Variants in ATRNL1 observed in about 807,000 individuals in gnomAD.
The protein encoded by ATRNL1 is attractin-like protein 1.
Under a neutral mutation model 182.7 loss-of-function variants are expected in ATRNL1, and 95 were observed. The ratio of observed to expected loss-of-function variants is 0.52; its 90% CI spans 0.44 to 0.62. The LOEUF (loss-of-function observed/expected upper bound fraction) is 0.62. Among genes scored for constraint, ATRNL1 ranks in the 20% least tolerant of loss-of-function variants. The pLI, the probability that ATRNL1 is intolerant of heterozygous loss-of-function variation, is 0.00. For missense variants in ATRNL1, 1,471 were observed against 1,679.5 expected (o/e 0.88, Z 2.17); for synonymous variants, 576 against 568.3 (o/e 1.01, Z -0.19).
intron 5 of ATRNL1, 43 bp from the exon 6 acceptor site, chr10:115,159,997 G>T: frequency 1.4e-6 from 2 of 1,405,544 alleles, no homozygotes; most frequent in Non-Finnish European, 9.6e-7. Context: ...TAATCTGAGG[G>T]CTTTGTTTAA....
At chr10:115,336,617 T>C in intron 19 of ATRNL1, among the ~76,000 whole-genome samples, 1 of 152,338 alleles carries the variant, frequency 6.6e-6, no homozygotes, top group Middle Eastern at 3.4e-3. Flanking sequence ...TAATATAAAA[T>C]TGTGGTATGT....
intron 28 of ATRNL1, among the ~76,000 whole-genome samples, chr10:115,932,407 G>A (rs1953426941): frequency 6.6e-6 from 1 of 152,148 alleles, no homozygotes; most frequent in Admixed American, 6.5e-5. Flanking sequence ...TTTGGTTACA[G>A]ACATACCTGT....
rs1592792940 is a variant in ATRNL1 at position 115,529,503 on chromosome 10, G to T, written c.3716+10179G>T. ...CTTCTGATTTTTATTAATTGAATGAGCTTCTTATTAATTGAATGAGCTTCT... is the reference window on the plus strand; with the variant it reads ...CTTCTGATTTTTATTAATTGAATGATCTTCTTATTAATTGAATGAGCTTCT... On this transcript the variant is annotated intron_variant, in intron 25 of 28. Transcript: ENST00000355044. Among the ~76,000 whole-genome samples the T allele has an allele frequency of 5.8e-5, 6 of 103,528 alleles. No homozygotes were observed. The South Asian group carries it at 2.2e-3, about 38-fold the overall frequency. The allele number at this position is 103,528 out of a possible 152,430, so 67.9% of individuals were successfully genotyped here. A position where few individuals can be genotyped will look rare whatever the true frequency, so the allele number is the denominator to read the frequency against.
intron 8 of ATRNL1, among the ~76,000 whole-genome samples, chr10:115,189,962 A>G (rs1848106535): frequency 1.3e-5 from 2 of 152,068 alleles, no homozygotes; most frequent in African/African-American, 2.4e-5. Context: ...TACCTTTTCT[A>G]TATGTTTAGA....
At chr10:115,895,305 A>C (rs1404000500) in intron 28 of ATRNL1, among the ~76,000 whole-genome samples, 1 of 152,216 alleles carries the variant, frequency 6.6e-6, no homozygotes, top group African/African-American at 2.4e-5. Flanking sequence ...CCGGGGATAC[A>C]GCTGAATAAC....
chr10:115,852,509 C>T (rs1555100796), intron 28 of ATRNL1, among the ~76,000 whole-genome samples: 1 of 152,140 alleles, frequency 6.6e-6, no homozygotes, highest in East Asian at 1.9e-4. Context: ...GTGTGACCCT[C>T]TTAATGATTC....
chr10:115,466,405 A>G (rs571586433), intron 22 of ATRNL1, among the ~76,000 whole-genome samples: 79 of 151,442 alleles, frequency 5.2e-4, no homozygotes, highest in African/African-American at 1.8e-3. Context: ...AAACTTACCC[A>G]TTATGACTAT....
intron 8 of ATRNL1, among the ~76,000 whole-genome samples, chr10:115,174,862 T>G (rs1676902855): frequency 6.6e-6 from 1 of 151,968 alleles, no homozygotes; most frequent in African/African-American, 2.4e-5. Flanking sequence ...CATATAGTTT[T>G]TTTTTGGACA....
At chr10:115,938,795 A>G (rs1183210136) in intron 28 of ATRNL1, among the ~76,000 whole-genome samples, 1 of 152,150 alleles carries the variant, frequency 6.6e-6, no homozygotes, top group East Asian at 1.9e-4. Context: ...GTAGAATCTA[A>G]AAAAGGTGAT....
chr10:115,515,662 G>A (rs1850601158), intron 24 of ATRNL1, among the ~76,000 whole-genome samples: 1 of 151,492 alleles, frequency 6.6e-6, no homozygotes, highest in South Asian at 2.1e-4. Context: ...GCTCTGTTTT[G>A]TAACATAACT....
At chr10:115,703,049 T>C (rs1442693676) in intron 26 of ATRNL1, among the ~76,000 whole-genome samples, 1 of 151,946 alleles carries the variant, frequency 6.6e-6, no homozygotes, top group Non-Finnish European at 1.5e-5. Context: ...ATGGTACTGG[T>C]ACAAAGACAG....
chr10:115,406,509 A>T (rs1306843290), intron 20 of ATRNL1, among the ~76,000 whole-genome samples: 1 of 152,170 alleles, frequency 6.6e-6, no homozygotes, highest in Non-Finnish European at 1.5e-5. Context: ...AATGCTCCAC[A>T]TCTTTGCTGA....
At chr10:115,408,890 T>C (rs535637096) in intron 20 of ATRNL1, among the ~76,000 whole-genome samples, 26 of 152,292 alleles carry the variant, frequency 1.7e-4, no homozygotes, top group African/African-American at 5.8e-4. Context: ...GCTGTAGATA[T>C]GTAATTTCTG....
intron 24 of ATRNL1, among the ~76,000 whole-genome samples, chr10:115,481,612 A>C (rs534468265): frequency 3.3e-5 from 5 of 150,948 alleles, no homozygotes; most frequent in African/African-American, 1.2e-4. Flanking sequence ...ACCACTATTA[A>C]CTCACACTTC....
intron 8 of ATRNL1, among the ~76,000 whole-genome samples, chr10:115,191,065 G>A (rs1340733195): frequency 6.6e-6 from 1 of 151,924 alleles, no homozygotes; most frequent in Admixed American, 6.6e-5. Flanking sequence ...TTTTTTAATG[G>A]CTAAATAATG....
At position 115,801,984 on chromosome 10, in the gene ATRNL1, G is replaced by C. The variant is rs77127504; in HGVS notation, c.3904-45893G>C. ...CAGCATTACTGACACACAATCAAATGCTCCCCTATGGAAAAACTTGCCTTA... is the reference window on the plus strand; with the variant it reads ...CAGCATTACTGACACACAATCAAATCCTCCCCTATGGAAAAACTTGCCTTA... On this transcript the variant is annotated intron_variant, in intron 27 of 28. Coordinates refer to ENST00000355044, the MANE Select transcript of ATRNL1 (RefSeq NM_207303.4). Among the ~76,000 whole-genome samples, 970 of 126,958 alleles carry C rather than the reference G, an allele frequency of 7.6e-3. 6 individuals carry two copies. Among genetic ancestry groups the C allele is most frequent in the African/African-American group, 0.023 (835 of 35,842 alleles). The allele number at this position is 126,958 out of a possible 152,430, so 83.3% of individuals were successfully genotyped here. A position where few individuals can be genotyped will look rare whatever the true frequency, so the allele number is the denominator to read the frequency against.
At chr10:115,749,075 T>C (rs965133034) in intron 27 of ATRNL1, among the ~76,000 whole-genome samples, 5 of 151,910 alleles carry the variant, frequency 3.3e-5, no homozygotes, top group Non-Finnish European at 7.4e-5. Flanking sequence ...CAGAGCTCAA[T>C]ACAAAATTGA....
intron 27 of ATRNL1, among the ~76,000 whole-genome samples, chr10:115,807,448 AC>A (rs1363143518): frequency 6.6e-6 from 1 of 152,238 alleles, no homozygotes; most frequent in Admixed American, 6.5e-5. Context: ...TACTATGGGT[AC>A]CAAATTCAAG....
chr10:115,292,129 CA>C (rs1410011843), intron 15 of ATRNL1, among the ~76,000 whole-genome samples: 4 of 151,776 alleles, frequency 2.6e-5, no homozygotes, highest in African/African-American at 9.7e-5. Flanking sequence ...TGTAAGTTTT[CA>C]ATTTCTTGGA....
Sources: allele counts gnomAD v4.1 joint callset (sites outside exome capture counted in the v4.1 genomes callset), GRCh38; gene constraint gnomAD v4.1.1; transcripts MANE v1.5; gene names NCBI Gene and HGNC (gene_info 2026-07-23, HGNC 2026-07-21).